Variants in DENR observed in about 807,000 individuals in gnomAD.
DENR encodes density-regulated protein.
DENR carries 6 observed loss-of-function variants against 30.6 expected under a neutral mutation model. The ratio of observed to expected loss-of-function variants is 0.20; its 90% CI spans 0.11 to 0.39. The LOEUF (loss-of-function observed/expected upper bound fraction) is 0.39, where lower values mean the gene tolerates loss of function less well. Ranked by LOEUF, DENR falls within the 10% of genes least tolerant of loss-of-function variation. The probability of loss-of-function intolerance (pLI) is 1.00; values close to 1 mark genes in which losing one functional copy is unlikely to be tolerated. For synonymous variants in DENR, 78 were observed against 72.1 expected (o/e 1.08, Z -0.41); for missense variants, 141 against 230.9 (o/e 0.61, Z 2.52).
intron 2 of DENR, among the ~76,000 whole-genome samples, chr12:122,755,407 G>A (rs1009531387): frequency 3.3e-5 from 5 of 152,004 alleles, no homozygotes; most frequent in African/African-American, 4.8e-5. Context: ...GTGAAACCCC[G>A]TCTCTACTAA....
At chr12:122,755,846 A>G (rs932404637) in intron 2 of DENR, among the ~76,000 whole-genome samples, 24 of 152,244 alleles carry the variant, frequency 1.6e-4, no homozygotes, top group African/African-American at 4.8e-4. Context: ...CACTTAATGT[A>G]AAAACATTCT....
At chr12:122,755,604 G>A (rs141446238) in intron 2 of DENR, among the ~76,000 whole-genome samples, 156 of 152,252 alleles carry the variant, frequency 1.0e-3, no homozygotes, top group African/African-American at 3.5e-3. Context: ...AACTAAGGAT[G>A]TGAGAAAAAC....
chr12:122,770,241 A>G lies in DENR; in HGVS notation c.*1163A>G, dbSNP rs1878999427. ...GGATGAAAGTATTCATCACAATATT[A>G]TTTATAATAAAAAATTGCAAATGTT... is the stretch of plus-strand genomic sequence containing the variant. On this transcript the variant is annotated 3_prime_UTR_variant, in exon 8 of 8. Coordinates refer to ENST00000280557, the MANE Select transcript of DENR (RefSeq NM_003677.5). The G allele has an allele frequency of 6.2e-6, 1 of 162,430 alleles. No individual in the cohort carries two copies. The highest frequency in any genetic ancestry group is 2.4e-5 in the African/African-American group (1 of 41,986). 10.1% of individuals were successfully genotyped at this position (162,430 alleles called of 1,614,324 possible).
chr12:122,768,862 A>G lies in DENR; in HGVS notation c.493A>G (p.Ile165Val). 2 of 1,612,838 alleles carry G rather than the reference A, an allele frequency of 1.2e-6. No homozygotes were observed. Among genetic ancestry groups the G allele is most frequent in the Non-Finnish European group, 1.7e-6 (2 of 1,179,464 alleles). ...GASVTGEDEIIIQGDFTDDII... is the reference protein window; with the variant it reads ...GASVTGEDEIVIQGDFTDDII... ...CTCAGTAACAGGGGAGGATGAAATT[A>G]TCATTCAGGGAGATTTTACAGATGA... The change falls in exon 7 of 8, where the codon ATC becomes GTC. Residue 165 changes from isoleucine to valine, a missense_variant. Around this residue, in one of 2 missense-constraint regions of DENR, gnomAD observed 37 missense variants for 92.6 expected, o/e 0.40. Coordinates refer to ENST00000280557, the MANE Select transcript of DENR (RefSeq NM_003677.5).
At chr12:122,761,513 G>A (rs1306741892) in intron 2 of DENR, among the ~76,000 whole-genome samples, 4 of 152,094 alleles carry the variant, frequency 2.6e-5, no homozygotes, top group Non-Finnish European at 5.9e-5. Context: ...GGCTGTTTTG[G>A]TAGAACCATC....
chr12:122,767,704 T>C (rs1878884730), intron 6 of DENR, 100 bp downstream of exon 6: 1 of 566,612 alleles, frequency 1.8e-6, no homozygotes, highest in African/African-American at 2.0e-5. Context: ...CCATGAAAAC[T>C]TCACAGGTCT....
chr12:122,756,445 G>GA (rs964038855), intron 2 of DENR, among the ~76,000 whole-genome samples: 1 of 151,504 alleles, frequency 6.6e-6, no homozygotes, highest in African/African-American at 2.4e-5. Flanking sequence ...CTCCATCCCA[G>GA]AAAAAAAAGA....
At chr12:122,765,498 T>G in intron 5 of DENR, 111 bp downstream of exon 5, 1 of 902,220 alleles carries the variant, frequency 1.1e-6, no homozygotes, top group South Asian at 1.7e-5. Flanking sequence ...GCGCCTATAG[T>G]CACAGCTTCT....
rs1281058207 is a variant in DENR, at chr12:122,769,504, C to G, written c.*426C>G. 2 of 979,292 alleles carry G rather than the reference C, an allele frequency of 2.0e-6. No homozygotes were observed. Among genetic ancestry groups the G allele is most frequent in the African/African-American group, 3.7e-5 (2 of 54,088 alleles). The allele number at this position is 979,292 out of a possible 1,614,324, so 60.7% of individuals were successfully genotyped here. On this transcript the variant is annotated 3_prime_UTR_variant, in exon 8 of 8. Coordinates refer to ENST00000280557, the MANE Select transcript of DENR (RefSeq NM_003677.5). ...CATTTGGTACTGACTTTCTCTCTCT[C>G]TCTCTCTCTCTTTTTTTTTTTTGAC... is the stretch of plus-strand genomic sequence containing the variant.
At chr12:122,768,024 A>T (rs1376410363) in intron 6 of DENR, 1 of 154,164 alleles carries the variant, frequency 6.5e-6, no homozygotes, top group African/African-American at 2.4e-5. Context: ...GAAGCCTTGA[A>T]TGAGTAGTGA....
intron 5 of DENR, among the ~76,000 whole-genome samples, chr12:122,766,308 G>T (rs1342044561): frequency 6.6e-6 from 1 of 152,084 alleles, no homozygotes; most frequent in East Asian, 1.9e-4. Context: ...TCCCTCCTTG[G>T]TTTCTGTTCC....
chr12:122,768,792 TAAAG>T lies in DENR; in HGVS notation c.426_429del (p.Glu143HisfsTer15). 3.2e-6 allele frequency: 5 copies of T among 1,568,428 alleles called. No homozygotes were observed. Among genetic ancestry groups the T allele is most frequent in the Non-Finnish European group, 4.3e-6 (5 of 1,158,022 alleles). On this transcript the variant is annotated frameshift_variant, in exon 7 of 8. Transcript: ENST00000280557. LOFTEE classifies it high-confidence loss of function. ...TTTTTAAAAAAATAGAAATTGATCT[TAAAG>T]AAGCACAAAGATTTTTTGCTCAAAA... is the stretch of plus-strand genomic sequence containing the variant.
intron 2 of DENR, among the ~76,000 whole-genome samples, chr12:122,761,111 C>G (rs1045025711): frequency 6.6e-5 from 10 of 151,402 alleles, no homozygotes; most frequent in Non-Finnish European, 1.5e-4. Context: ...AGAGTGAGAC[C>G]CTTACTCTAA....
At chr12:122,762,817 G>A (rs956440893) in intron 3 of DENR, 28 bp from the exon 4 acceptor site, 4 of 1,405,464 alleles carry the variant, frequency 2.8e-6, no homozygotes, top group Admixed American at 2.2e-5. Flanking sequence ...ATGTTTTGTT[G>A]TGACTCAGTT....
At position 122,762,247 on chromosome 12, in the gene DENR, G is replaced by C. The variant is rs554533277; in HGVS notation, c.126+41G>C. The C allele has an allele frequency of 2.0e-4, 256 of 1,287,992 alleles. 7 individuals are homozygous for C. The South Asian group carries it at 3.6e-3, about 18-fold the overall frequency. 79.8% of individuals were successfully genotyped at this position (1,287,992 alleles called of 1,614,324 possible). On this transcript the variant is annotated intron_variant, in intron 3 of 7. Transcript: ENST00000280557. ...TTTTTTTTTACCTTATGTATTTGAA[G>C]TTATTCTTGGTTTTAAAGCTACCTT...
At position 122,767,576 on chromosome 12, in the gene DENR, G is replaced by C; in HGVS notation, c.384G>C (p.Val128=). The part of the protein sequence containing the change: ...AKIPRAKKKY[V]TRVCGLATFE... ...TTCCCAGAGCAAAGAAGAAATATGT[G>C]ACAAGAGTATGTGGCCTTGCAACTT... The change falls in exon 6 of 8, where the codon GTG becomes GTC. Residue 128 remains valine (V), a synonymous_variant. Coordinates refer to ENST00000280557, the MANE Select transcript of DENR (RefSeq NM_003677.5). The C allele has an allele frequency of 6.2e-7, 1 of 1,602,228 alleles. No individual in the cohort carries two copies. Among genetic ancestry groups the C allele is most frequent in the Non-Finnish European group, 8.5e-7 (1 of 1,174,648 alleles).
In DENR at chr12:122,769,306, A is replaced by ACG. The variant is rs1285022899; in HGVS notation, c.*229_*230insGC. 6.9e-6 allele frequency: 5 copies of ACG among 723,916 alleles called. No homozygotes were observed. The highest frequency in any genetic ancestry group is 7.8e-6 in the Non-Finnish European group (5 of 644,386). 44.8% of individuals were successfully genotyped at this position (723,916 alleles called of 1,614,324 possible). On this transcript the variant is annotated 3_prime_UTR_variant, in exon 8 of 8. Transcript: ENST00000280557. Reference sequence around the variant, plus strand: ...TATACACATATATGTATACATATATACACATATGTATACATATATATATAT... The same window carrying ACG: ...TATACACATATATGTATACATATATACGCACATATGTATACATATATATATAT...
chr12:122,760,036 A>G (rs938018147), intron 2 of DENR, among the ~76,000 whole-genome samples: 1 of 152,166 alleles, frequency 6.6e-6, no homozygotes, highest in African/African-American at 2.4e-5. Context: ...TCTGTAAAAT[A>G]GTGATTGTGT....
At position 122,769,622 on chromosome 12, in the gene DENR, T is replaced by A; in HGVS notation, c.*544T>A. The A allele has an allele frequency of 3.1e-6, 1 of 320,314 alleles. No homozygotes were observed. Among genetic ancestry groups the A allele is most frequent in the Non-Finnish European group, 4.7e-6 (1 of 211,728 alleles). 19.8% of individuals were successfully genotyped at this position (320,314 alleles called of 1,614,324 possible). ...CCCGGGTTCAAGTGATTCTCCTGCC[T>A]CAGCCTCCCAAGTAGGTGGGATTAC... On this transcript the variant is annotated 3_prime_UTR_variant, in exon 8 of 8. Transcript: ENST00000280557.
Sources: gnomAD v4.1 joint callset for allele counts (sites outside exome capture counted in the v4.1 genomes callset) on GRCh38, gnomAD v4.1.1 for gene constraint, gnomAD v4.1.1 regional missense constraint, MANE v1.5 for transcripts, NCBI Gene and HGNC (gene_info 2026-07-23, HGNC 2026-07-21) for gene names.